The following GNS variants were observed in gnomAD, a reference collection of about 807,000 sequenced individuals.
GNS encodes glucosamine (N-acetyl)-6-sulfatase, also known as N-acetylglucosamine-6-sulfatase.
Under a neutral mutation model 69.7 loss-of-function variants are expected in GNS, and 40 were observed. That is an observed-to-expected ratio of 0.57 (90% CI 0.45 to 0.75). The LOEUF is 0.75. Ranked by LOEUF, GNS falls within the 30% of genes least tolerant of loss-of-function variation. The pLI, the probability that GNS is intolerant of heterozygous loss-of-function variation, is 0.00. For missense variants in GNS, 565 were observed against 685.5 expected (o/e 0.82, Z 1.96); for synonymous variants, 243 against 251.6 (o/e 0.97, Z 0.32).
At position 64,755,222 on chromosome 12, in the gene GNS, G is replaced by A. The variant is rs932012443; in HGVS notation, c.193-2465C>T. On this transcript the variant is annotated intron_variant, in intron 1 of 13. Transcript: ENST00000258145. ...GAATCATTTACTTTCCTGGTTCCAT[G>A]CACAGTTGCTCTGAAACGACAATTC... Among the ~76,000 whole-genome samples, 11 of 152,106 alleles carry A rather than the reference G, an allele frequency of 7.2e-5. No homozygotes were observed. The South Asian group carries it at 2.3e-3, about 31-fold the overall frequency.
intron 1 of GNS, among the ~76,000 whole-genome samples, chr12:64,756,031 T>A (rs563800166): frequency 6.6e-6 from 1 of 152,188 alleles, no homozygotes; most frequent in Non-Finnish European, 1.5e-5. Flanking sequence ...CACACTATAA[T>A]GATGTTTAAA....
rs755180375 is a variant in GNS, at chr12:64,759,036, G to A, written c.192+49C>T. The A allele has an allele frequency of 4.2e-6, 6 of 1,414,454 alleles. No homozygotes were observed. In the South Asian group the frequency reaches 7.4e-5, roughly 17 times the overall value. 87.6% of individuals were successfully genotyped at this position (1,414,454 alleles called of 1,614,324 possible). A position where few individuals can be genotyped will look rare whatever the true frequency, so the allele number is the denominator to read the frequency against. ...GACCGGGAAAGAGAGCAACAAACCG[G>A]GTAGTCAGCCCAAGAGATAGAGGGG... On this transcript the variant is annotated intron_variant, in intron 1 of 13. Coordinates refer to ENST00000258145, the MANE Select transcript of GNS (RefSeq NM_002076.4).
chr12:64,719,371 A>T (rs553338617), intron 13 of GNS, among the ~76,000 whole-genome samples: 2 of 152,328 alleles, frequency 1.3e-5, no homozygotes, highest in South Asian at 4.1e-4. Flanking sequence ...CAAGCAAAAG[A>T]TAAATGACAA....
chr12:64,723,738 AG>A (rs1869106673), intron 10 of GNS, among the ~76,000 whole-genome samples: 2 of 152,234 alleles, frequency 1.3e-5, no homozygotes, highest in Admixed American at 1.3e-4. Context: ...AGCAAGTTTT[AG>A]ATTCAAAGAG....
intron 2 of GNS, among the ~76,000 whole-genome samples, chr12:64,750,919 A>G (rs1328035133): frequency 2.0e-5 from 3 of 152,188 alleles, no homozygotes; most frequent in Admixed American, 6.5e-5. Flanking sequence ...AAAGAAAAAA[A>G]AGAAAGAAAT....
At position 64,720,248 on chromosome 12, in the gene GNS, C is replaced by T. The variant is rs140134726; in HGVS notation, c.1420-66G>A. 9.5e-3 allele frequency: 10,118 copies of T among 1,059,866 alleles called. 92 individuals carry two copies. Among genetic ancestry groups the T allele is most frequent in the Middle Eastern group, 0.025 (85 of 3,422 alleles). 65.7% of individuals were successfully genotyped at this position (1,059,866 alleles called of 1,614,324 possible). ...GTTAGCCGTGAAGAAATACTCTTAA[C>T]GTGACTTATTTCTAAAGGGGAAGGG... is the stretch of plus-strand genomic sequence containing the variant. On this transcript the variant is annotated intron_variant, in intron 12 of 13. Coordinates refer to ENST00000258145, the MANE Select transcript of GNS (RefSeq NM_002076.4).
At chr12:64,752,616 T>C (rs1411748133) in intron 2 of GNS, 82 bp downstream of exon 2, 5 of 775,886 alleles carry the variant, frequency 6.4e-6, no homozygotes, top group Non-Finnish European at 1.2e-5. Flanking sequence ...ACATAGATCA[T>C]ACCAGATTCC....
rs1450949401 is a variant in GNS at position 64,713,908 on chromosome 12, G to A, written c.*2833C>T. On this transcript the variant is annotated 3_prime_UTR_variant, in exon 14 of 14. Coordinates refer to ENST00000258145, the MANE Select transcript of GNS (RefSeq NM_002076.4). Reference sequence around the variant, plus strand: ...GCACTTTGGGAGGCCGAGAAAGGTGGATCACCTGAGGTCAGGAGTTAATCA... The same window carrying A: ...GCACTTTGGGAGGCCGAGAAAGGTGAATCACCTGAGGTCAGGAGTTAATCA... 6.6e-6 allele frequency: 1 copy of A among 152,170 alleles called. No individual in the cohort carries two copies. Among genetic ancestry groups the A allele is most frequent in the East Asian group, 1.9e-4 (1 of 5,182 alleles). 9.4% of individuals were successfully genotyped at this position (152,170 alleles called of 1,614,324 possible).
chr12:64,713,542 CAG>C lies in GNS; in HGVS notation c.*3197_*3198del, dbSNP rs1868773914. On this transcript the variant is annotated 3_prime_UTR_variant, in exon 14 of 14. Coordinates refer to ENST00000258145, the MANE Select transcript of GNS (RefSeq NM_002076.4). Reference sequence around the variant, plus strand: ...TCTAAGTCAAATGACTGAGATGACACAGAGCAAGGGCAGAATAGGAACAGAGG... The same window carrying C: ...TCTAAGTCAAATGACTGAGATGACACAGCAAGGGCAGAATAGGAACAGAGG... 6.6e-6 allele frequency: 1 copy of C among 152,608 alleles called. No homozygotes were observed. Among genetic ancestry groups the C allele is most frequent in the African/African-American group, 2.4e-5 (1 of 41,436 alleles). The allele number at this position is 152,608 out of a possible 1,614,324, so 9.5% of individuals were successfully genotyped here. A position where few individuals can be genotyped will look rare whatever the true frequency, so the allele number is the denominator to read the frequency against.
chr12:64,748,250 G>A (rs944890229), intron 2 of GNS, among the ~76,000 whole-genome samples: 4 of 151,756 alleles, frequency 2.6e-5, no homozygotes, highest in African/African-American at 9.7e-5. Context: ...CACCCAGACT[G>A]GAGTGCACTG....
intron 10 of GNS, among the ~76,000 whole-genome samples, chr12:64,726,445 TAGG>T (rs1450188053): frequency 2.0e-5 from 3 of 152,124 alleles, no homozygotes; most frequent in South Asian, 2.1e-4. Context: ...GGAGAAAATA[TAGG>T]AGAATAGCTT....
chr12:64,724,577 G>C (rs192496643), intron 10 of GNS, among the ~76,000 whole-genome samples: 1 of 152,316 alleles, frequency 6.6e-6, no homozygotes, highest in Admixed American at 6.5e-5. Context: ...GCTCATGCTG[G>C]CTGGGCACGG....
intron 9 of GNS, among the ~76,000 whole-genome samples, chr12:64,731,974 T>G (rs1451179997): frequency 6.6e-6 from 1 of 151,944 alleles, no homozygotes; most frequent in East Asian, 1.9e-4. Flanking sequence ...AGAAAAAGCT[T>G]TGACAAGACC....
chr12:64,744,685 C>G, intron 5 of GNS, 124 bp downstream of exon 5: 1 of 704,094 alleles, frequency 1.4e-6, no homozygotes, highest in East Asian at 2.7e-5. Flanking sequence ...GCAGTTAGAC[C>G]AAGTTACTGT....
chr12:64,757,942 C>T (rs953623967), intron 1 of GNS, among the ~76,000 whole-genome samples: 2 of 152,260 alleles, frequency 1.3e-5, no homozygotes, highest in Non-Finnish European at 2.9e-5. Flanking sequence ...AGAACTGAAA[C>T]GAAGAAAGCA....
At chr12:64,728,859 T>G (rs1419306254) in intron 10 of GNS, 97 bp downstream of exon 10, 2 of 689,858 alleles carry the variant, frequency 2.9e-6, no homozygotes, top group Non-Finnish European at 5.3e-6. Flanking sequence ...GCCCCCAAAT[T>G]TAATAGTATT....
At chr12:64,746,085 C>T (rs919036712) in intron 3 of GNS, 7 of 339,552 alleles carry the variant, frequency 2.1e-5, no homozygotes, top group Non-Finnish European at 2.8e-5. Flanking sequence ...AACACAGCCA[C>T]ATTCATTTAC....
chr12:64,730,298 G>A (rs1221754072), intron 9 of GNS, among the ~76,000 whole-genome samples: 1 of 152,108 alleles, frequency 6.6e-6, no homozygotes, highest in Non-Finnish European at 1.5e-5. Flanking sequence ...CTGACAGGAA[G>A]TAACAGTCTT....
At chr12:64,747,144 G>C (rs929279429) in intron 3 of GNS, among the ~76,000 whole-genome samples, 1 of 152,298 alleles carries the variant, frequency 6.6e-6, no homozygotes, top group South Asian at 2.1e-4. Context: ...GGTCTACAAG[G>C]CTGGTGTACC....
Sources: allele counts gnomAD v4.1 joint callset (sites outside exome capture counted in the v4.1 genomes callset), GRCh38; gene constraint gnomAD v4.1.1; transcripts MANE v1.5; gene names NCBI Gene and HGNC (gene_info 2026-07-23, HGNC 2026-07-21).